ERVMER34-1: variants seen among roughly 807,000 people sequenced by gnomAD.
The protein encoded by ERVMER34-1 is endogenous retroviral envelope protein HEMO.
For missense variants in ERVMER34-1, 471 were observed against 295.1 expected, an observed-to-expected ratio of 1.60 and a Z score of -4.37; for synonymous variants, 199 against 111.7, an observed-to-expected ratio of 1.78 and a Z score of -4.93.
rs1388552026 is a variant in ERVMER34-1, at chr4:52,744,306, G to A, written c.1215C>T (p.Thr405=). 2 of 704,110 alleles carry A rather than the reference G, an allele frequency of 2.8e-6. No homozygotes were observed. Among genetic ancestry groups the A allele is most frequent in the South Asian group, 3.0e-5 (2 of 67,592 alleles). 43.6% of individuals were successfully genotyped at this position (704,110 alleles called of 1,614,324 possible). A position where few individuals can be genotyped will look rare whatever the true frequency, so the allele number is the denominator to read the frequency against. ...TAACTTTTGATTGGTGTGCTTCCAA[G>A]GTCTGCTTAGTGGCACTGAATTCCT... ...MEQEFSATKQ[T]LEAHQSKVSS... is the part of the protein sequence containing the mutation. Residue 405 remains threonine (T), a synonymous_variant, in exon 3 of 3, where the codon ACC becomes ACT. Transcript: ENST00000443173.
Position 52,743,867 on chromosome 4 carries a change from C to T in ERVMER34-1, c.1654G>A (p.Gly552Arg). 2.0e-6 allele frequency: 3 copies of T among 1,520,470 alleles called. No homozygotes were observed. The highest frequency in any genetic ancestry group is 2.6e-6 in the Non-Finnish European group (3 of 1,138,490). 94.2% of individuals were successfully genotyped at this position (1,520,470 alleles called of 1,614,324 possible). The change falls in exon 3 of 3, where the codon GGA becomes AGA. Residue 552 changes from glycine to arginine, a missense_variant. Physicochemically the swap from Gly to Arg is moderately radical, Grantham distance 125. Transcript: ENST00000443173. ...SCQVSNRAMK[G>R]LTTHQYDTSL... is the part of the protein sequence containing the mutation. ...GTGTCATATTGATGGGTTGTTAGTC[C>T]CTTCATTGCCCTATTTGAAACTTGA...
At chr4:52,749,038 T>A (rs563837232) in intron 2 of ERVMER34-1, among the ~76,000 whole-genome samples, 34 of 152,096 alleles carry the variant, frequency 2.2e-4, no homozygotes, top group African/African-American at 6.3e-4. Flanking sequence ...TTAAAAAAAA[T>A]TATTTTTAAT....
At position 52,744,907 on chromosome 4, in the gene ERVMER34-1, A is replaced by C. The variant is rs769143963; in HGVS notation, c.614T>G (p.Leu205Arg). 14 of 704,038 alleles carry C rather than the reference A, an allele frequency of 2.0e-5. No homozygotes were observed. The African/African-American group carries it at 2.3e-4, about 11-fold the overall frequency. The allele number at this position is 704,038 out of a possible 1,614,324, so 43.6% of individuals were successfully genotyped here. Residue 205 changes from leucine to arginine, a missense_variant, in exon 3 of 3, where the codon CTG (leucine) becomes CGG (arginine). Physicochemically the swap from Leu to Arg is moderately radical, Grantham distance 102 (BLOSUM62 -2). Coordinates refer to ENST00000443173, the MANE Select transcript of ERVMER34-1 (RefSeq NM_001242690.2). ...WNSSAVPLIG[L>R]PNTQDYKWVD... ...CCATTTGTAGTCTTGGGTATTGGGCAGACCAATCAAGGGAACAGCTGAGCT... is the reference window on the plus strand; with the variant it reads ...CCATTTGTAGTCTTGGGTATTGGGCCGACCAATCAAGGGAACAGCTGAGCT...
chr4:52,748,983 G>A (rs1716217581), intron 2 of ERVMER34-1, among the ~76,000 whole-genome samples: 1 of 152,048 alleles, frequency 6.6e-6, no homozygotes, highest in Non-Finnish European at 1.5e-5. Context: ...AGTCTCCCCT[G>A]TAGCTGGGAC....
chr4:52,748,066 G>A (rs927833814), intron 2 of ERVMER34-1: 7 of 155,534 alleles, frequency 4.5e-5, no homozygotes, highest in Non-Finnish European at 8.5e-5. Flanking sequence ...CATGAGCTGT[G>A]GACCAGGGAG....
In ERVMER34-1 at chr4:52,745,295, T is replaced by G. The variant is rs769101052; in HGVS notation, c.226A>C (p.Met76Leu). Residue 76 changes from methionine to leucine, a missense_variant, in exon 3 of 3, where the codon ATG becomes CTG. Met to Leu is a conservative substitution (Grantham distance 15). Transcript: ENST00000443173. ...TGTGGATACCACACCCTTTCATACA[T>G]CCATTGTCCAGAATAGGTCCACCAG... ...STWWTYSGQWMYERVWYPQAE... is the reference protein window; with the variant it reads ...STWWTYSGQWLYERVWYPQAE... 2.6e-5 allele frequency: 18 copies of G among 703,826 alleles called. No individual in the cohort carries two copies. The highest frequency in any genetic ancestry group is 3.4e-5 in the Non-Finnish European group (13 of 384,998). The allele number at this position is 703,826 out of a possible 1,614,324, so 43.6% of individuals were successfully genotyped here. A position where few individuals can be genotyped will look rare whatever the true frequency, so the allele number is the denominator to read the frequency against.
chr4:52,747,179 A>G (rs569899905), intron 2 of ERVMER34-1, among the ~76,000 whole-genome samples: 11 of 152,184 alleles, frequency 7.2e-5, no homozygotes, highest in African/African-American at 2.2e-4. Flanking sequence ...CAGTGACCCA[A>G]GATCACGCCA....
rs537326609 is a variant in ERVMER34-1, at chr4:52,750,232, C to T, written c.-424+698G>A. Among the ~76,000 whole-genome samples, 6 of 152,234 alleles carry T rather than the reference C, an allele frequency of 3.9e-5. No homozygotes were observed. The South Asian group carries it at 1.2e-3, about 32-fold the overall frequency. The stretch of plus-strand genomic sequence containing the variant: ...CAGGTAGGTCTCGAACTCCTGACCT[C>T]AGGCAATCCGCCCACCTCGGCCTCC... On this transcript the variant is annotated intron_variant, in intron 2 of 2. Transcript: ENST00000443173.
At position 52,744,691 on chromosome 4, in the gene ERVMER34-1, C is replaced by T. The variant is rs878866125; in HGVS notation, c.830G>A (p.Arg277Gln). ...ACCTGTGAGCCACCAGGTGGGGGTCCGGTGTCCATCATGACCTTTGTCATT... is the reference window on the plus strand; with the variant it reads ...ACCTGTGAGCCACCAGGTGGGGGTCTGGTGTCCATCATGACCTTTGTCATT... ...ITNDKGHDGH[R>Q]TPTWWLTGSN... Residue 277 changes from arginine to glutamine, a missense_variant, in exon 3 of 3, where the codon CGG becomes CAG. Arg to Gln is a conservative substitution (Grantham distance 43). Transcript: ENST00000443173. 20 of 703,990 alleles carry T rather than the reference C, an allele frequency of 2.8e-5. No individual in the cohort carries two copies. Among genetic ancestry groups the T allele is most frequent in the Non-Finnish European group, 4.2e-5 (16 of 385,014 alleles). 43.6% of individuals were successfully genotyped at this position (703,990 alleles called of 1,614,324 possible).
intron 2 of ERVMER34-1, among the ~76,000 whole-genome samples, chr4:52,749,946 CA>C (rs1716244753): frequency 1.3e-5 from 2 of 152,092 alleles, no homozygotes; most frequent in Admixed American, 6.5e-5. Context: ...ATGTCCTTGG[CA>C]GTTTGGAAAC....
In ERVMER34-1 at chr4:52,743,941, G is replaced by C. The variant is rs769908217; in HGVS notation, c.1580C>G (p.Ala527Gly). The change falls in exon 3 of 3, where the codon GCC becomes GGC. Residue 527 changes from alanine to glycine, a missense_variant. Transcript: ENST00000443173. ...RSLNSQPLNL[A>G]LSPQQSAQLL... ...CTGTGCTGATTGCTGTGGAGATAAG[G>C]CTAGGTTCAGAGGTTGGGAGTTAAG... 2 of 1,174,796 alleles carry C rather than the reference G, an allele frequency of 1.7e-6. No individual in the cohort carries two copies. The highest frequency in any genetic ancestry group is 2.5e-6 in the Non-Finnish European group (2 of 816,098). The allele number at this position is 1,174,796 out of a possible 1,614,324, so 72.8% of individuals were successfully genotyped here.
Position 52,745,122 on chromosome 4 carries a change from A to T in ERVMER34-1, c.399T>A (p.Ser133Arg). The change falls in exon 3 of 3, where the codon AGT becomes AGA. Residue 133 changes from serine (S) to arginine (R), a missense_variant. Coordinates refer to ENST00000443173, the MANE Select transcript of ERVMER34-1 (RefSeq NM_001242690.2). ...FSLCVENKNG[S>R]GPFLGNIPKQ... ...TAGGTATATTACCTAGGAAGGGTCCACTGCCATTTTTATTTTCTACGCAAA... is the reference window on the plus strand; with the variant it reads ...TAGGTATATTACCTAGGAAGGGTCCTCTGCCATTTTTATTTTCTACGCAAA... 1.4e-6 allele frequency: 1 copy of T among 704,186 alleles called. No individual in the cohort carries two copies. Among genetic ancestry groups the T allele is most frequent in the South Asian group, 1.5e-5 (1 of 67,606 alleles). 43.6% of individuals were successfully genotyped at this position (704,186 alleles called of 1,614,324 possible). A position where few individuals can be genotyped will look rare whatever the true frequency, so the allele number is the denominator to read the frequency against.
In ERVMER34-1 at chr4:52,744,600, T is replaced by A. The variant is rs771699117; in HGVS notation, c.921A>T (p.Lys307Asn). The A allele has an allele frequency of 6.1e-5, 43 of 703,960 alleles. No individual in the cohort carries two copies. Among genetic ancestry groups the A allele is most frequent in the Non-Finnish European group, 9.6e-5 (37 of 385,014 alleles). The allele number at this position is 703,960 out of a possible 1,614,324, so 43.6% of individuals were successfully genotyped here. Residue 307 changes from lysine (K) to asparagine (N), a missense_variant, in exon 3 of 3, where the codon AAA becomes AAT. Physicochemically the swap from Lys to Asn is moderately conservative, Grantham distance 94. Coordinates refer to ENST00000443173, the MANE Select transcript of ERVMER34-1 (RefSeq NM_001242690.2). ...GCCCAGACCATTTAGGTGGAAACCC[T>A]TTGTACACCCCATTGCCGCACAAAA... ...LFFLCGNGVY[K>N]GFPPKWSGRC...
chr4:52,748,104 T>TAAA (rs34983829), intron 2 of ERVMER34-1: 59 of 158,690 alleles, frequency 3.7e-4, no homozygotes, highest in African/African-American at 1.5e-3. Context: ...GCAAACCCTG[T>TAAA]AAAAAAAAAA....
At position 52,743,185 on chromosome 4, in the gene ERVMER34-1, A is replaced by G. The variant is rs924475021; in HGVS notation, c.*644T>C. The G allele has an allele frequency of 1.3e-5, 2 of 152,206 alleles. No individual in the cohort carries two copies. The highest frequency in any genetic ancestry group is 2.9e-5 in the Non-Finnish European group (2 of 68,058). 9.4% of individuals were successfully genotyped at this position (152,206 alleles called of 1,614,324 possible). On this transcript the variant is annotated 3_prime_UTR_variant, in exon 3 of 3. Transcript: ENST00000443173. ...CCATTTCATAAGATGGCTAAAATGC[A>G]TATCAGACTAATATTCCATTAGACC...
chr4:52,745,042 G>T lies in ERVMER34-1; in HGVS notation c.479C>A (p.Pro160His). Residue 160 changes from proline to histidine, a missense_variant, in exon 3 of 3, where the codon CCC becomes CAC. Pro to His is a moderately conservative substitution (Grantham distance 77). Coordinates refer to ENST00000443173, the MANE Select transcript of ERVMER34-1 (RefSeq NM_001242690.2). ...WFDSTDGTFM[P>H]SIDVTNESRN... ...GGATTCATTTGTAACATCTATAGAG[G>T]GCATGAAGGTGCCATCTGTAGAATC... The T allele has an allele frequency of 1.4e-6, 1 of 704,038 alleles. No individual in the cohort carries two copies. Among genetic ancestry groups the T allele is most frequent in the Admixed American group, 2.0e-5 (1 of 50,014 alleles). The allele number at this position is 704,038 out of a possible 1,614,324, so 43.6% of individuals were successfully genotyped here. A position where few individuals can be genotyped will look rare whatever the true frequency, so the allele number is the denominator to read the frequency against.
intron 2 of ERVMER34-1, chr4:52,748,104 T>TA (rs34983829): frequency 0.12 from 19,658 of 158,284 alleles, 1,077 homozygotes; most frequent in East Asian, 0.2. Flanking sequence ...GCAAACCCTG[T>TA]AAAAAAAAAA....
rs1716063954 is a variant in ERVMER34-1, at chr4:52,743,525, T to C, written c.*304A>G. ...GTTTGGGGGCTTGCAAATTAACAGA[T>C]CAATAGAAAAAACATTTATTATATA... On this transcript the variant is annotated 3_prime_UTR_variant, in exon 3 of 3. Transcript: ENST00000443173. The C allele has an allele frequency of 4.5e-6, 1 of 222,966 alleles. No individual in the cohort carries two copies. Among genetic ancestry groups the C allele is most frequent in the African/African-American group, 2.3e-5 (1 of 43,968 alleles). 13.8% of individuals were successfully genotyped at this position (222,966 alleles called of 1,614,324 possible). A position where few individuals can be genotyped will look rare whatever the true frequency, so the allele number is the denominator to read the frequency against.
chr4:52,751,018 G>A lies in ERVMER34-1; in HGVS notation c.-512C>T, dbSNP rs144074272. The stretch of plus-strand genomic sequence containing the variant: ...GGTCGGCCGGGGTTGGGTTCCTGTC[G>A]CCGCACGCGTGGCCCGCCCGAAACC... On this transcript the variant is annotated 5_prime_UTR_variant, in exon 2 of 3. Transcript: ENST00000443173. 8.3e-3 allele frequency: 1,261 copies of A among 152,508 alleles called. 6 individuals are homozygous for A. The highest frequency in any genetic ancestry group is 0.013 in the Middle Eastern group (4 of 310). The allele number at this position is 152,508 out of a possible 1,614,324, so 9.4% of individuals were successfully genotyped here.
Sources: gnomAD v4.1 joint callset for allele counts (sites outside exome capture counted in the v4.1 genomes callset) on GRCh38, gnomAD v4.1.1 for gene constraint, MANE v1.5 for transcripts, NCBI Gene and HGNC (gene_info 2026-07-23, HGNC 2026-07-21) for gene names.